The following CRMP1 variants were observed in gnomAD, a reference collection of about 807,000 sequenced individuals.
CRMP1 encodes the protein collapsin response mediator protein 1, also known as dihydropyrimidinase-related protein 1.
Under a neutral mutation model 68.3 loss-of-function variants are expected in CRMP1, and 19 were observed. The ratio of observed to expected loss-of-function variants is 0.28; its 90% CI spans 0.19 to 0.41. The LOEUF is 0.41. CRMP1 is among the 10% of genes least tolerant of loss of function. The pLI, the probability that CRMP1 is intolerant of heterozygous loss-of-function variation, is 1.00. For missense variants in CRMP1, 791 were observed against 967.4 expected (o/e 0.82, Z 2.42); for synonymous variants, 439 against 399.6 (o/e 1.10, Z -1.18).
intron 1 of CRMP1, among the ~76,000 whole-genome samples, chr4:5,868,261 CTATATATATATA>C (rs60816757): frequency 0.24 from 26,797 of 111,244 alleles, 3,276 homozygotes; most frequent in East Asian, 0.51. Context: ...GACTATATAT[CTATATATATATA>C]TATATATATA....
Position 5,836,071 on chromosome 4 carries a change from C to A in CRMP1, c.1467G>T (p.Met489Ile). ...TGACAGCGACAAACTGGTTCTCATC[C>A]ATTTTGCCAGTAGCCTACAGGCAAG... is the stretch of plus-strand genomic sequence containing the variant. ...VWDKAVATGK[M>I]DENQFVAVTS... is the part of the protein sequence containing the mutation. Residue 489 changes from methionine to isoleucine, a missense_variant, in exon 11 of 14, where the codon ATG becomes ATT. Transcript: ENST00000324989. The A allele has an allele frequency of 1.3e-6, 2 of 1,525,470 alleles. No individual in the cohort carries two copies. The highest frequency in any genetic ancestry group is 1.8e-6 in the Non-Finnish European group (2 of 1,138,180). 94.5% of individuals were successfully genotyped at this position (1,525,470 alleles called of 1,614,324 possible).
In CRMP1 at chr4:5,832,145, A is replaced by T. The variant is rs527424579; in HGVS notation, c.1624-3477T>A. Among the ~76,000 whole-genome samples, 52 of 152,370 alleles carry T rather than the reference A, an allele frequency of 3.4e-4. No homozygotes were observed. In the South Asian group the frequency reaches 6.8e-3, roughly 20 times the overall value. The stretch of plus-strand genomic sequence containing the variant: ...AGGCAAATCCATAGAAACAGAAAGC[A>T]GATTAGTGGTTGCTAGGGAATGGGG... On this transcript the variant is annotated intron_variant, in intron 11 of 13. Transcript: ENST00000324989.
chr4:5,853,247 T>C lies in CRMP1; in HGVS notation c.821-1778A>G, dbSNP rs1425056734. Among the ~76,000 whole-genome samples, 1 of 152,186 alleles carries C rather than the reference T, an allele frequency of 6.6e-6. No individual in the cohort carries two copies. Among genetic ancestry groups the C allele is most frequent in the East Asian group, 1.9e-4 (1 of 5,190 alleles). On this transcript the variant is annotated intron_variant, in intron 4 of 13. Coordinates refer to ENST00000324989, the MANE Select transcript of CRMP1 (RefSeq NM_001014809.3). This position sits in a 1 kb window ranked among gnomAD's most constrained non-coding sequence, Gnocchi z 4.7. ...GGCCAATATGGTGATACCCCGTCTCTACTAAAAATACAAAAATTAGCCGGG... is the reference window on the plus strand; with the variant it reads ...GGCCAATATGGTGATACCCCGTCTCCACTAAAAATACAAAAATTAGCCGGG...
At chr4:5,830,749 G>T (rs1200644108) in intron 11 of CRMP1, among the ~76,000 whole-genome samples, 1 of 151,998 alleles carries the variant, frequency 6.6e-6, no homozygotes, top group Non-Finnish European at 1.5e-5. Context: ...GATACCCCCG[G>T]GCCCAGTCTT....
intron 1 of CRMP1, among the ~76,000 whole-genome samples, chr4:5,868,285 A>ATATATATATATATATC (rs1714170250): frequency 8.2e-6 from 1 of 122,548 alleles, no homozygotes; most frequent in South Asian, 3.0e-4. Context: ...ATATATATAT[A>ATATATATATATATATC]TATATATATA....
In CRMP1 at chr4:5,866,862, G is replaced by T; in HGVS notation, c.382-106C>A. The T allele has an allele frequency of 2.7e-6, 2 of 741,402 alleles. No individual in the cohort carries two copies. The highest frequency in any genetic ancestry group is 4.2e-6 in the Non-Finnish European group (2 of 470,636). 45.9% of individuals were successfully genotyped at this position (741,402 alleles called of 1,614,324 possible). On this transcript the variant is annotated intron_variant, in intron 1 of 13. Transcript: ENST00000324989. This position sits in a 1 kb window ranked among gnomAD's most constrained non-coding sequence, Gnocchi z 5.9. The stretch of plus-strand genomic sequence containing the variant: ...ATTATCAAATATTTTCAAAAGTAAA[G>T]GCATTTAACTTCCCCCGCCCCAGAT...
At chr4:5,837,781 T>A (rs2152458687) in intron 9 of CRMP1, among the ~76,000 whole-genome samples, 1 of 151,982 alleles carries the variant, frequency 6.6e-6, no homozygotes, top group Admixed American at 6.6e-5. Context: ...GCCCAGGAAA[T>A]GTTAGCAATT....
intron 11 of CRMP1, among the ~76,000 whole-genome samples, chr4:5,829,417 T>A (rs1197726373): frequency 6.6e-6 from 1 of 152,162 alleles, no homozygotes; most frequent in Admixed American, 6.5e-5. Flanking sequence ...AAAACTCACC[T>A]TCTTTCCATT....
In CRMP1 at chr4:5,872,655, C is replaced by A. The variant is rs1714539070; in HGVS notation, c.382-5899G>T. 6.6e-6 allele frequency among the ~76,000 whole-genome samples: 1 copy of A among 152,172 alleles called. No individual in the cohort carries two copies. The highest frequency in any genetic ancestry group is 6.5e-5 in the Admixed American group (1 of 15,268). On this transcript the variant is annotated intron_variant, in intron 1 of 13. Transcript: ENST00000324989. The surrounding 1 kb of genome is among the most constrained non-coding windows in gnomAD (Gnocchi z 4.6). ...TGAGCTGAGATCGCACCGCTGCAGT[C>A]CAGCCTGGGCAACAGAGCGAGACTC...
At position 5,839,668 on chromosome 4, in the gene CRMP1, A is replaced by C; in HGVS notation, c.1164T>G (p.Val388=). The C allele has an allele frequency of 6.2e-7, 1 of 1,610,168 alleles. No homozygotes were observed. The highest frequency in any genetic ancestry group is 8.5e-7 in the Non-Finnish European group (1 of 1,179,016). The part of the protein sequence containing the change: ...IALARKKGPL[V]FGEPIAASLG... ...GGCTGGCGGCAATGGGCTCTCCAAA[A>C]ACTAGGGGCCCTTAGGAGGGGAAAA... is the stretch of plus-strand genomic sequence containing the variant. Residue 388 remains valine, a synonymous_variant, in exon 9 of 14, where the codon GTT becomes GTG. Coordinates refer to ENST00000324989, the MANE Select transcript of CRMP1 (RefSeq NM_001014809.3).
At chr4:5,849,630 T>C (rs901225387) in intron 5 of CRMP1, among the ~76,000 whole-genome samples, 158 bp from the exon 6 acceptor site, 1 of 152,136 alleles carries the variant, frequency 6.6e-6, no homozygotes, top group African/African-American at 2.4e-5. Context: ...GCTACACAAG[T>C]CAGACTTGGA....
intron 6 of CRMP1, among the ~76,000 whole-genome samples, chr4:5,846,585 G>A (rs1271171861): frequency 7.3e-6 from 1 of 137,004 alleles, no homozygotes; most frequent in Non-Finnish European, 1.6e-5. Context: ...AGAAGCAGTT[G>A]GATCCCCAAA....
chr4:5,835,108 G>A (rs1720648487), intron 11 of CRMP1, among the ~76,000 whole-genome samples: 1 of 150,544 alleles, frequency 6.6e-6, no homozygotes, highest in Non-Finnish European at 1.5e-5. Flanking sequence ...TCCTTCTGCA[G>A]TATGTGAGCC....
At chr4:5,873,983 G>T (rs138524987) in intron 1 of CRMP1, among the ~76,000 whole-genome samples, 1 of 152,154 alleles carries the variant, frequency 6.6e-6, no homozygotes, top group South Asian at 2.1e-4. Flanking sequence ...TCACATGAGC[G>T]CTGGGTGGAA....
At chr4:5,827,623 CACACACACACTCCA>C (rs1389261368) in intron 12 of CRMP1, among the ~76,000 whole-genome samples, 1 of 144,444 alleles carries the variant, frequency 6.9e-6, no homozygotes, top group Non-Finnish European at 1.6e-5. Flanking sequence ...CACACGCGCA[CACACACACACTCCA>C]ACACACGCAC....
chr4:5,847,902 T>C (rs766702448), intron 6 of CRMP1, among the ~76,000 whole-genome samples: 4 of 152,228 alleles, frequency 2.6e-5, no homozygotes, highest in Non-Finnish European at 5.9e-5. Context: ...CTACCTTTAC[T>C]GGCTGCATCC....
In CRMP1 at chr4:5,838,923, C is replaced by T. The variant is rs553507222; in HGVS notation, c.1310+599G>A. 2.0e-5 allele frequency among the ~76,000 whole-genome samples: 3 copies of T among 152,310 alleles called. No homozygotes were observed. The highest frequency in any genetic ancestry group is 1.9e-4 in the East Asian group (1 of 5,172). On this transcript the variant is annotated intron_variant, in intron 9 of 13. Coordinates refer to ENST00000324989, the MANE Select transcript of CRMP1 (RefSeq NM_001014809.3). This position sits in a 1 kb window ranked among gnomAD's most constrained non-coding sequence, Gnocchi z 4.9. ...TGAGCATGCGTCTCTGCTTCCAGAG[C>T]GGCCTGGACACTTAGCCTCGCTGTG...
intron 2 of CRMP1, among the ~76,000 whole-genome samples, chr4:5,863,685 T>C (rs1024945798): frequency 6.6e-6 from 1 of 151,338 alleles, no homozygotes; most frequent in African/African-American, 2.4e-5. Flanking sequence ...CAAGGCTGAG[T>C]GAGTTAAATG....
At chr4:5,871,019 T>C (rs968404482) in intron 1 of CRMP1, among the ~76,000 whole-genome samples, 1 of 152,186 alleles carries the variant, frequency 6.6e-6, no homozygotes, top group Non-Finnish European at 1.5e-5. Flanking sequence ...GGTATTTTAA[T>C]GCACTGTGTG....
Sources: allele counts gnomAD v4.1 joint callset (sites outside exome capture counted in the v4.1 genomes callset), GRCh38; gene constraint gnomAD v4.1.1; non-coding constraint Gnocchi (gnomAD v3.1); transcripts MANE v1.5; gene names NCBI Gene and HGNC (gene_info 2026-07-23, HGNC 2026-07-21).